The following HSPA12A variants were observed in gnomAD, a reference collection of about 807,000 sequenced individuals.
HSPA12A encodes the protein heat shock protein family A (Hsp70) member 12A.
HSPA12A carries 28 observed loss-of-function variants against 69.2 expected under a neutral mutation model. The observed-to-expected ratio is 0.40, with a 90% CI of 0.30 to 0.55. The LOEUF (loss-of-function observed/expected upper bound fraction) is 0.55, where lower values mean the gene tolerates loss of function less well. Among genes scored for constraint, HSPA12A ranks in the 20% least tolerant of loss-of-function variants. The pLI is 0.38. For synonymous variants in HSPA12A, 345 were observed against 370.5 expected (o/e 0.93, Z 0.79); for missense variants, 686 against 900.7 (o/e 0.76, Z 3.05).
intron 6 of HSPA12A, among the ~76,000 whole-genome samples, chr10:116,690,749 GCCAGC>G: frequency 1.3e-5 from 2 of 151,184 alleles, no homozygotes; most frequent in Middle Eastern, 7.0e-3. Flanking sequence ...TCCTAGAAGA[GCCAGC>G]CCAGGGCTCA....
intron 5 of HSPA12A, among the ~76,000 whole-genome samples, chr10:116,693,344 C>T (rs1554880383): frequency 2.0e-5 from 3 of 152,170 alleles, no homozygotes; most frequent in African/African-American, 7.2e-5. Context: ...GAGGTTTCCA[C>T]CTGGTTCACG....
At chr10:116,736,653 G>A (rs2133058568) in intron 1 of HSPA12A, among the ~76,000 whole-genome samples, 1 of 152,288 alleles carries the variant, frequency 6.6e-6, no homozygotes, top group Non-Finnish European at 1.5e-5. Flanking sequence ...CTGGAGTGAT[G>A]GGCTTGGAAG....
chr10:116,731,666 A>T (rs1162070988), intron 1 of HSPA12A, among the ~76,000 whole-genome samples: 1 of 152,226 alleles, frequency 6.6e-6, no homozygotes, highest in East Asian at 1.9e-4. Context: ...GCCCTCACCT[A>T]GAAATTCTTT....
At chr10:116,767,557 G>A (rs1554889911) in intron 2 of HSPA12A, among the ~76,000 whole-genome samples, 1 of 152,182 alleles carries the variant, frequency 6.6e-6, no homozygotes, top group Non-Finnish European at 1.5e-5. Flanking sequence ...CCACATTCCT[G>A]CTGCAAACAG....
chr10:116,693,305 G>A (rs2132943295), intron 5 of HSPA12A, among the ~76,000 whole-genome samples: 1 of 152,318 alleles, frequency 6.6e-6, no homozygotes, highest in South Asian at 2.1e-4. Flanking sequence ...TGAGGCCCAT[G>A]TTGATAAAGG....
intron 3 of HSPA12A, among the ~76,000 whole-genome samples, chr10:116,702,426 C>T (rs1273193532): frequency 3.3e-5 from 5 of 152,164 alleles, no homozygotes; most frequent in Non-Finnish European, 7.3e-5. Flanking sequence ...CTCCCGACCC[C>T]ATGACATTAA....
chr10:116,760,781 G>A (rs565799294), intron 2 of HSPA12A, among the ~76,000 whole-genome samples: 12 of 152,258 alleles, frequency 7.9e-5, no homozygotes, highest in African/African-American at 2.2e-4. Context: ...TGCAAGGGAC[G>A]GATATTCCCA....
intron 2 of HSPA12A, among the ~76,000 whole-genome samples, chr10:116,804,330 G>T (rs1845023835): frequency 6.6e-6 from 1 of 152,180 alleles, no homozygotes; most frequent in South Asian, 2.1e-4. Context: ...GGCTGGGTCC[G>T]CCGTGAAGTT....
intron 2 of HSPA12A, chr10:116,832,503 G>A (rs949133197): frequency 6.6e-6 from 1 of 152,280 alleles, no homozygotes; most frequent in African/African-American, 2.4e-5. Context: ...GGCAGAAGAG[G>A]TCTGAGAAAG....
chr10:116,789,323 T>C (rs1210196883), intron 2 of HSPA12A, among the ~76,000 whole-genome samples: 1 of 152,146 alleles, frequency 6.6e-6, no homozygotes, highest in East Asian at 1.9e-4. Context: ...TATGTATTGA[T>C]ATATAGACAT....
At chr10:116,780,324 A>G (rs183255033) in intron 2 of HSPA12A, among the ~76,000 whole-genome samples, 1 of 151,308 alleles carries the variant, frequency 6.6e-6, no homozygotes, top group Non-Finnish European at 1.5e-5. Flanking sequence ...TCAGAACAAT[A>G]TTTTTATTTA....
intron 3 of HSPA12A, among the ~76,000 whole-genome samples, chr10:116,701,736 C>T (rs960657439): frequency 2.0e-5 from 3 of 152,108 alleles, no homozygotes; most frequent in African/African-American, 4.8e-5. Flanking sequence ...GAAGTGACTG[C>T]GTTGGTTGGA....
In HSPA12A at chr10:116,675,348, C is replaced by T. The variant is rs781943949; in HGVS notation, c.1461G>A (p.Ala487=). 2.5e-5 allele frequency: 41 copies of T among 1,612,336 alleles called. No individual in the cohort carries two copies. Among genetic ancestry groups the T allele is most frequent in the South Asian group, 1.4e-4 (13 of 90,900 alleles). The change falls in exon 12 of 12, where the codon GCG becomes GCA. Residue 487 remains alanine, a synonymous_variant. Coordinates refer to ENST00000369209, the MANE Select transcript of HSPA12A (RefSeq NM_025015.3). The surrounding 1 kb of genome is among the most constrained non-coding windows in gnomAD (Gnocchi z 5.2). ...FLFLVGGFAE[A]PLLQQAVQAA... ...CCTGCACCGCCTGCTGCAGCAGGGG[C>T]GCCTCGGCAAAGCCGCCCACCAGAA... is the stretch of plus-strand genomic sequence containing the variant.
At chr10:116,818,250 G>A (rs1008915913) in intron 2 of HSPA12A, among the ~76,000 whole-genome samples, 1 of 152,334 alleles carries the variant, frequency 6.6e-6, no homozygotes, top group Non-Finnish European at 1.5e-5. Context: ...GGACCTACGA[G>A]CCTTGGTAGG....
At chr10:116,687,332 G>T (rs1276463067) in intron 6 of HSPA12A, among the ~76,000 whole-genome samples, 1 of 152,174 alleles carries the variant, frequency 6.6e-6, no homozygotes, top group Non-Finnish European at 1.5e-5. Flanking sequence ...AGAGGAAAAG[G>T]CAAGGTCATG....
intron 1 of HSPA12A, among the ~76,000 whole-genome samples, chr10:116,734,126 A>G (rs1851240239): frequency 6.6e-6 from 1 of 152,170 alleles, no homozygotes; most frequent in Admixed American, 6.5e-5. Context: ...GCAAAACCCA[A>G]CAGGGCACAG....
intron 2 of HSPA12A, chr10:116,832,486 A>C (rs1845636243): frequency 2.0e-5 from 3 of 152,334 alleles, no homozygotes; most frequent in Admixed American, 2.0e-4. Flanking sequence ...TTTTCAGGGA[A>C]GTCAGTGGCA....
intron 1 of HSPA12A, among the ~76,000 whole-genome samples, chr10:116,836,675 A>C (rs1036337621): frequency 5.9e-5 from 9 of 152,128 alleles, no homozygotes; most frequent in African/African-American, 2.2e-4. Flanking sequence ...CTGGAGTTAC[A>C]AATTTTTGGT....
intron 6 of HSPA12A, among the ~76,000 whole-genome samples, chr10:116,688,645 A>T (rs966743931): frequency 3.3e-5 from 5 of 152,260 alleles, no homozygotes; most frequent in Non-Finnish European, 5.9e-5. Flanking sequence ...CAGCTGCACC[A>T]GTTCGGGGTG....
Sources: allele counts gnomAD v4.1 joint callset (sites outside exome capture counted in the v4.1 genomes callset), GRCh38; gene constraint gnomAD v4.1.1; non-coding constraint Gnocchi (gnomAD v3.1); transcripts MANE v1.5; gene names NCBI Gene and HGNC (gene_info 2026-07-23, HGNC 2026-07-21).